The following COL4A3 variants were observed in gnomAD, a reference collection of about 807,000 sequenced individuals.
The protein encoded by COL4A3 is collagen alpha-3(IV) chain.
COL4A3 carries 135 observed loss-of-function variants against 217.4 expected under a neutral mutation model. The ratio of observed to expected loss-of-function variants is 0.62; its 90% confidence interval spans 0.54 to 0.72. COL4A3 has a LOEUF of 0.72. Among genes scored for constraint, COL4A3 ranks in the 30% least tolerant of loss-of-function variants. The probability of loss-of-function intolerance (pLI) is 0.00; values close to 1 mark genes in which losing one functional copy is unlikely to be tolerated. For synonymous variants in COL4A3, 690 were observed against 736.3 expected, an observed-to-expected ratio of 0.94 and a Z score of 1.02; for missense variants, 1,868 against 2,119.9, an observed-to-expected ratio of 0.88 and a Z score of 2.33.
rs56065709 is a variant in COL4A3, at chr2:227,302,677, C to CAAAAAAAAAAAAAAAAAAAAAAAAAAAA, written c.3883-359_3883-332dup. On this transcript the variant is annotated intron_variant, in intron 43 of 51. Coordinates refer to ENST00000396578, the MANE Select transcript of COL4A3 (RefSeq NM_000091.5). ...GGAGGACAAAACGAGACTCTTTCTC[C>CAAAAAAAAAAAAAAAAAAAAAAAAAAAA]AAAAAAAAAAAAAAAAAAAAAAAAA... is the stretch of plus-strand genomic sequence containing the variant. Among the ~76,000 whole-genome samples the CAAAAAAAAAAAAAAAAAAAAAAAAAAAA allele has an allele frequency of 4.0e-4, 32 of 79,906 alleles. 5 individuals are homozygous for CAAAAAAAAAAAAAAAAAAAAAAAAAAAA. The highest frequency in any genetic ancestry group is 7.0e-4 in the South Asian group (2 of 2,854). 52.4% of individuals were successfully genotyped at this position (79,906 alleles called of 152,430 possible).
intron 43 of COL4A3, among the ~76,000 whole-genome samples, chr2:227,299,759 G>C (rs1360490439): frequency 6.6e-6 from 1 of 152,152 alleles, no homozygotes; most frequent in Non-Finnish European, 1.5e-5. Flanking sequence ...GAATGATTTG[G>C]CCTCTAAGAG....
chr2:227,228,230 G>T lies in COL4A3; in HGVS notation c.88-9738G>T, dbSNP rs1049027488. Among the ~76,000 whole-genome samples the T allele has an allele frequency of 1.1e-4, 16 of 152,346 alleles. 2 individuals are homozygous for T. Among genetic ancestry groups the T allele is most frequent in the Admixed American group, 2.6e-4 (4 of 15,308 alleles). The stretch of plus-strand genomic sequence containing the variant: ...GCAGCTTCAGGGCGGGGCAGGCGGG[G>T]GCATCCCGCAAAGCAGTCCATGGGT... On this transcript the variant is annotated intron_variant, in intron 1 of 51. Transcript: ENST00000396578.
intron 23 of COL4A3, among the ~76,000 whole-genome samples, chr2:227,269,154 G>A (rs1171526793): frequency 6.6e-6 from 1 of 152,084 alleles, no homozygotes; most frequent in Admixed American, 6.6e-5. Context: ...AATACCTATG[G>A]GAAGTATAAA....
chr2:227,199,729 C>A (rs2066612597), intron 1 of COL4A3, among the ~76,000 whole-genome samples: 1 of 152,144 alleles, frequency 6.6e-6, no homozygotes. Context: ...GGCCCCAGCC[C>A]CAATTCAGTG....
intron 1 of COL4A3, among the ~76,000 whole-genome samples, chr2:227,179,903 G>A (rs1396370027): frequency 6.6e-6 from 1 of 152,228 alleles, no homozygotes; most frequent in Non-Finnish European, 1.5e-5. Flanking sequence ...ATTGATAAAT[G>A]TACTGAACAG....
chr2:227,294,807 G>A (rs2072950191), intron 39 of COL4A3, among the ~76,000 whole-genome samples, 157 bp from the exon 40 acceptor site: 1 of 152,142 alleles, frequency 6.6e-6, no homozygotes, highest in Non-Finnish European at 1.5e-5. Context: ...GGTTTTCCCT[G>A]GGAACATAGC....
chr2:227,173,164 A>G (rs923070350), intron 1 of COL4A3, among the ~76,000 whole-genome samples: 1 of 152,220 alleles, frequency 6.6e-6, no homozygotes, highest in African/African-American at 2.4e-5. Context: ...CTCGGTGGGT[A>G]AACTTAACCT....
intron 1 of COL4A3, among the ~76,000 whole-genome samples, chr2:227,209,484 C>A (rs1559829061): frequency 1.3e-5 from 2 of 152,200 alleles, no homozygotes; most frequent in Non-Finnish European, 2.9e-5. Flanking sequence ...CCCATCTCTT[C>A]TGTGAAGCCT....
rs370533429 is a variant in COL4A3, at chr2:227,253,683, A to T, written c.765+45A>T. 4 of 1,517,940 alleles carry T rather than the reference A, an allele frequency of 2.6e-6. No individual in the cohort carries two copies. Among genetic ancestry groups the T allele is most frequent in the Admixed American group, 1.7e-5 (1 of 59,868 alleles). The allele number at this position is 1,517,940 out of a possible 1,614,324, so 94.0% of individuals were successfully genotyped here. A position where few individuals can be genotyped will look rare whatever the true frequency, so the allele number is the denominator to read the frequency against. ...ATTAGTGTTGTGCCTTCCCGTGTCT[A>T]GGATGAAGTCCTTGTGACCCTGCAC... On this transcript the variant is annotated intron_variant, in intron 13 of 51. Coordinates refer to ENST00000396578, the MANE Select transcript of COL4A3 (RefSeq NM_000091.5). The surrounding 1 kb of genome is among the most constrained non-coding windows in gnomAD (Gnocchi z 4.4).
intron 43 of COL4A3, among the ~76,000 whole-genome samples, chr2:227,302,726 C>T (rs1376843835): frequency 2.3e-5 from 3 of 131,754 alleles, no homozygotes; most frequent in Non-Finnish European, 4.8e-5. Flanking sequence ...CAGTACTGGG[C>T]TACTCCATTT....
At chr2:227,188,227 A>T (rs976769767) in intron 1 of COL4A3, among the ~76,000 whole-genome samples, 17 of 150,882 alleles carry the variant, frequency 1.1e-4, no homozygotes, top group African/African-American at 3.9e-4. Flanking sequence ...GGACTTTGTA[A>T]AAAAAAAAAT....
chr2:227,166,680 C>A (rs2065290549), intron 1 of COL4A3, among the ~76,000 whole-genome samples: 1 of 152,168 alleles, frequency 6.6e-6, no homozygotes, highest in Non-Finnish European at 1.5e-5. Flanking sequence ...TGAAGTAAGT[C>A]TTTCATTAAC....
At chr2:227,236,094 C>A (rs2068683502) in intron 1 of COL4A3, among the ~76,000 whole-genome samples, 1 of 152,146 alleles carries the variant, frequency 6.6e-6, no homozygotes. Flanking sequence ...CTTTTTATGG[C>A]TGAGTAGCAT....
intron 1 of COL4A3, among the ~76,000 whole-genome samples, chr2:227,190,880 C>G (rs1296838653): frequency 2.0e-5 from 3 of 152,124 alleles, no homozygotes; most frequent in Non-Finnish European, 4.4e-5. Flanking sequence ...GCACTCCAGA[C>G]TGGGTAACAG....
At chr2:227,297,969 A>T in intron 42 of COL4A3, 110 bp downstream of exon 42, 1 of 1,246,010 alleles carries the variant, frequency 8.0e-7, no homozygotes, top group South Asian at 1.3e-5. Flanking sequence ...CCCTGTGGTC[A>T]TCTCCATTCC....
At chr2:227,263,411 T>A (rs191051416) in intron 20 of COL4A3, among the ~76,000 whole-genome samples, 5 of 152,332 alleles carry the variant, frequency 3.3e-5, no homozygotes, top group Admixed American at 3.3e-4. Context: ...ACTTTCTCTC[T>A]TTCTCATTTT....
intron 1 of COL4A3, among the ~76,000 whole-genome samples, chr2:227,214,565 T>C (rs10205773): frequency 0.076 from 11,617 of 152,274 alleles, 651 homozygotes; most frequent in African/African-American, 0.15. Flanking sequence ...CACAGTTGTA[T>C]CTTTTTACAT....
chr2:227,289,000 G>T, intron 34 of COL4A3, 150 bp from the exon 35 acceptor site: 1 of 629,128 alleles, frequency 1.6e-6, no homozygotes, highest in South Asian at 1.6e-5. Flanking sequence ...GCCCACGCTG[G>T]AGTGCAGTGG....
intron 1 of COL4A3, among the ~76,000 whole-genome samples, chr2:227,215,013 T>G (rs981403287): frequency 6.6e-6 from 1 of 152,212 alleles, no homozygotes; most frequent in African/African-American, 2.4e-5. Flanking sequence ...ACTGGATACT[T>G]TTTGGTTTGT....
Sources: allele counts gnomAD v4.1 joint callset (sites outside exome capture counted in the v4.1 genomes callset), GRCh38; gene constraint gnomAD v4.1.1; non-coding constraint Gnocchi (gnomAD v3.1); transcripts MANE v1.5; gene names NCBI Gene and HGNC (gene_info 2026-07-23, HGNC 2026-07-21).